Variants in TSHZ2 observed in about 807,000 individuals in gnomAD.
The protein encoded by TSHZ2 is teashirt homolog 2.
In TSHZ2, 21 loss-of-function variants were observed where a neutral mutation model predicts 74.4. The observed-to-expected ratio is 0.28, with a 90% CI of 0.20 to 0.41. The LOEUF is 0.41. Ranked by LOEUF, TSHZ2 falls within the 10% of genes least tolerant of loss-of-function variation. The probability of loss-of-function intolerance (pLI) is 1.00; values close to 1 mark genes in which losing one functional copy is unlikely to be tolerated. For missense variants in TSHZ2, 1,244 were observed against 1,293.5 expected (o/e 0.96, Z 0.59); for synonymous variants, 540 against 515.3 (o/e 1.05, Z -0.65).
At chr20:53,016,495 C>T (rs1983044482) in intron 1 of TSHZ2, among the ~76,000 whole-genome samples, 1 of 152,168 alleles carries the variant, frequency 6.6e-6, no homozygotes, top group African/African-American at 2.4e-5. Context: ...AGAGCCTTAG[C>T]CTGTCTCCAC....
At chr20:53,175,929 T>C (rs1988326687) in intron 1 of TSHZ2, among the ~76,000 whole-genome samples, 1 of 152,198 alleles carries the variant, frequency 6.6e-6, no homozygotes, top group Non-Finnish European at 1.5e-5. Flanking sequence ...CTCATGGAGA[T>C]TATTTGCTAG....
intron 1 of TSHZ2, among the ~76,000 whole-genome samples, chr20:53,241,296 C>A (rs1378271445): frequency 2.0e-5 from 3 of 152,082 alleles, no homozygotes; most frequent in Admixed American, 6.6e-5. Flanking sequence ...CTTCATGTAA[C>A]TATGTGTTGT....
intron 2 of TSHZ2, among the ~76,000 whole-genome samples, chr20:53,331,816 C>T (rs1332977886): frequency 6.6e-6 from 1 of 152,216 alleles, no homozygotes; most frequent in East Asian, 1.9e-4. Context: ...GCAGGAACCC[C>T]TTCCTGGTGG....
intron 2 of TSHZ2, among the ~76,000 whole-genome samples, chr20:53,366,992 G>A (rs1981286238): frequency 6.6e-6 from 1 of 152,124 alleles, no homozygotes; most frequent in South Asian, 2.1e-4. Flanking sequence ...CAGTGTAGAC[G>A]CTAGGATCCA....
chr20:53,315,595 C>T (rs1978971584), intron 2 of TSHZ2, among the ~76,000 whole-genome samples: 1 of 152,134 alleles, frequency 6.6e-6, no homozygotes, highest in African/African-American at 2.4e-5. Context: ...GTTCCTTTCT[C>T]CTTTAGGTTT....
At chr20:53,435,283 G>C (rs1044910072) in intron 2 of TSHZ2, among the ~76,000 whole-genome samples, 1 of 152,210 alleles carries the variant, frequency 6.6e-6, no homozygotes, top group Non-Finnish European at 1.5e-5. Flanking sequence ...AGACAAGCAA[G>C]ACCATCAGGA....
At chr20:53,343,181 G>T (rs1424854653) in intron 2 of TSHZ2, among the ~76,000 whole-genome samples, 2 of 151,650 alleles carry the variant, frequency 1.3e-5, no homozygotes, top group Admixed American at 6.6e-5. Flanking sequence ...TGGCCAGGTT[G>T]GTCTTGAACT....
At chr20:53,341,487 T>C (rs542838959) in intron 2 of TSHZ2, among the ~76,000 whole-genome samples, 2 of 151,814 alleles carry the variant, frequency 1.3e-5, no homozygotes, top group African/African-American at 2.4e-5. Flanking sequence ...CTGTCTTTTT[T>C]CTTTATTTTT....
At chr20:53,027,700 A>G (rs2123052580) in intron 1 of TSHZ2, among the ~76,000 whole-genome samples, 1 of 152,258 alleles carries the variant, frequency 6.6e-6, no homozygotes, top group East Asian at 1.9e-4. Context: ...TTGAAGCTGC[A>G]ATAAGTTAAG....
chr20:53,481,251 GTTTTT>G (rs35540878), intron 2 of TSHZ2, among the ~76,000 whole-genome samples: 30,313 of 151,910 alleles, frequency 0.2, 3,164 homozygotes, highest in East Asian at 0.29. Context: ...GAGAAATGAG[GTTTTT>G]ACTTTACTTT....
intron 1 of TSHZ2, among the ~76,000 whole-genome samples, chr20:52,991,358 T>C (rs61319985): frequency 1.8e-4 from 20 of 111,436 alleles, no homozygotes; most frequent in South Asian, 6.1e-4. Flanking sequence ...TTTTCTGATG[T>C]ATGATTTTGT....
rs559953561 is a variant in TSHZ2, at chr20:53,348,191, T to G, written c.*8+91620T>G. ...GGAGACAAGTGTTCTAACGAAAACT[T>G]TTATATGAGTGTTCCTAGAAGCACT... is the stretch of plus-strand genomic sequence containing the variant. On this transcript the variant is annotated intron_variant, in intron 2 of 2. Coordinates refer to ENST00000371497, the MANE Select transcript of TSHZ2 (RefSeq NM_173485.6). 2.6e-5 allele frequency among the ~76,000 whole-genome samples: 4 copies of G among 152,304 alleles called. No individual in the cohort carries two copies. The East Asian group carries it at 7.7e-4, about 29-fold the overall frequency.
At chr20:53,132,739 C>G (rs991224249) in intron 1 of TSHZ2, among the ~76,000 whole-genome samples, 3 of 152,160 alleles carry the variant, frequency 2.0e-5, no homozygotes, top group African/African-American at 7.2e-5. Context: ...GACACTTTAT[C>G]ATTGAGTGCC....
intron 2 of TSHZ2, among the ~76,000 whole-genome samples, chr20:53,391,088 C>T (rs156599): frequency 0.059 from 9,010 of 152,032 alleles, 412 homozygotes; most frequent in Non-Finnish European, 0.084. Context: ...CTAATTCATC[C>T]GCTCCTGATC....
chr20:53,152,726 A>G (rs535696698), intron 1 of TSHZ2, among the ~76,000 whole-genome samples: 2 of 152,386 alleles, frequency 1.3e-5, no homozygotes, highest in East Asian at 3.9e-4. Flanking sequence ...CTGCTGAAAT[A>G]TGAAATTATG....
At chr20:53,364,724 G>A (rs1002250369) in intron 2 of TSHZ2, among the ~76,000 whole-genome samples, 12 of 152,232 alleles carry the variant, frequency 7.9e-5, no homozygotes, top group Admixed American at 2.0e-4. Context: ...GTGGAGTGCC[G>A]GGGCTTGGCA....
chr20:53,401,774 CTTTTTTTTT>C (rs59656180), intron 2 of TSHZ2, among the ~76,000 whole-genome samples: 12 of 94,866 alleles, frequency 1.3e-4, no homozygotes, highest in Non-Finnish European at 1.8e-4. Context: ...AACACATTTT[CTTTTTTTTT>C]TTTTTTTTTT....
chr20:53,087,674 T>C (rs887023128), intron 1 of TSHZ2, among the ~76,000 whole-genome samples: 8 of 152,228 alleles, frequency 5.3e-5, no homozygotes, highest in Admixed American at 3.3e-4. Context: ...ACTTTCTTTT[T>C]TGATTTGCTT....
chr20:53,183,465 C>T (rs1049578469), intron 1 of TSHZ2, among the ~76,000 whole-genome samples: 13 of 152,136 alleles, frequency 8.5e-5, no homozygotes, highest in East Asian at 3.8e-4. Context: ...GAAGCCAAAG[C>T]GGGGCATAGC....
Sources: gnomAD v4.1 joint callset for allele counts (sites outside exome capture counted in the v4.1 genomes callset) on GRCh38, gnomAD v4.1.1 for gene constraint, MANE v1.5 for transcripts, NCBI Gene and HGNC (gene_info 2026-07-23, HGNC 2026-07-21) for gene names.